The following KDM5B variants were observed in gnomAD, a reference collection of about 807,000 sequenced individuals.
KDM5B encodes the protein lysine demethylase 5B, also known as lysine-specific demethylase 5B.
A neutral mutation model predicts 193.4 loss-of-function variants in KDM5B; 144 were observed. The observed-to-expected ratio is 0.74, with a 90% CI of 0.65 to 0.86. The LOEUF (loss-of-function observed/expected upper bound fraction) is 0.86, where lower values mean the gene tolerates loss of function less well. KDM5B is among the 40% of genes least tolerant of loss of function. The probability of loss-of-function intolerance (pLI) is 0.00; values close to 1 mark genes in which losing one functional copy is unlikely to be tolerated. For missense variants in KDM5B, 1,833 were observed against 1,886.9 expected (o/e 0.97, Z 0.53); for synonymous variants, 668 against 682.6 (o/e 0.98, Z 0.33).
intron 11 of KDM5B, among the ~76,000 whole-genome samples, chr1:202,753,995 C>T (rs1402661326): frequency 2.0e-5 from 3 of 152,162 alleles, no homozygotes; most frequent in Admixed American, 1.3e-4. Context: ...TATAAGGTAT[C>T]GTATTCACTT....
chr1:202,758,806 A>C (rs1002669525), intron 8 of KDM5B: 14 of 218,064 alleles, frequency 6.4e-5, no homozygotes, highest in Admixed American at 1.1e-4. Context: ...TCAAAATCAA[A>C]TAATGTTTTC....
At chr1:202,767,949 G>A (rs986778340) in intron 4 of KDM5B, among the ~76,000 whole-genome samples, 13 of 152,122 alleles carry the variant, frequency 8.5e-5, no homozygotes, top group Non-Finnish European at 1.5e-4. Context: ...AATCCAATAT[G>A]TTTTCTAGAT....
In KDM5B at chr1:202,746,173, A is replaced by G. The variant is rs762523999; in HGVS notation, c.2167T>C (p.Cys723Arg). 2 of 1,613,108 alleles carry G rather than the reference A, an allele frequency of 1.2e-6. No individual in the cohort carries two copies. The highest frequency in any genetic ancestry group is 3.4e-5 in the Admixed American group (2 of 59,644). ...TTATATTTGTAAGGAGGACAGGAAC[A>G]CAATTCTTTTACATGATGCAGGCAA... Reference protein sequence around the residue: ...LVCLHHVKELCSCPPYKYKLR... With the variant: ...LVCLHHVKELRSCPPYKYKLR... The change falls in exon 15 of 27, where the codon TGT becomes CGT. Residue 723 changes from cysteine (C) to arginine (R), a missense_variant. By Grantham distance (180) the Cys-to-Arg change is radical (BLOSUM62 -3). Coordinates refer to ENST00000367265, the MANE Select transcript of KDM5B (RefSeq NM_006618.5).
intron 9 of KDM5B, among the ~76,000 whole-genome samples, chr1:202,757,656 A>G (rs1656075394): frequency 6.6e-6 from 1 of 152,216 alleles, no homozygotes; most frequent in Non-Finnish European, 1.5e-5. Context: ...TTAAGTAACT[A>G]ATAGCTGATG....
At chr1:202,769,194 A>G (rs12022505) in intron 4 of KDM5B, among the ~76,000 whole-genome samples, 100,896 of 149,396 alleles carry the variant, frequency 0.68, 36,550 homozygotes, top group Admixed American at 0.82. Context: ...CTGCCACCAC[A>G]CCCAGCTATT....
At chr1:202,784,623 T>C (rs949179323) in intron 1 of KDM5B, among the ~76,000 whole-genome samples, 4 of 152,168 alleles carry the variant, frequency 2.6e-5, no homozygotes, top group Admixed American at 6.6e-5. Context: ...ATCACAACCA[T>C]TATAAACTCC....
chr1:202,768,015 C>A (rs886901671), intron 4 of KDM5B, among the ~76,000 whole-genome samples: 1 of 152,116 alleles, frequency 6.6e-6, no homozygotes, highest in African/African-American at 2.4e-5. Context: ...AAAGATATCA[C>A]CTGAATTGAG....
chr1:202,754,455 T>C (rs1473372882), intron 11 of KDM5B, among the ~76,000 whole-genome samples: 1 of 152,138 alleles, frequency 6.6e-6, no homozygotes, highest in Non-Finnish European at 1.5e-5. Flanking sequence ...CCTCCCGCCT[T>C]GCCCCCTCAA....
intron 1 of KDM5B, among the ~76,000 whole-genome samples, chr1:202,783,386 T>C (rs997913250): frequency 1.3e-5 from 2 of 151,594 alleles, no homozygotes; most frequent in Non-Finnish European, 1.5e-5. Flanking sequence ...GCACCTGTAG[T>C]CCCAGCTAAT....
intron 1 of KDM5B, among the ~76,000 whole-genome samples, chr1:202,797,391 C>T (rs906456535): frequency 1.3e-5 from 2 of 152,140 alleles, no homozygotes; most frequent in Non-Finnish European, 2.9e-5. Context: ...TGTAGCTGGG[C>T]CTGCCCCAAG....
intron 1 of KDM5B, among the ~76,000 whole-genome samples, chr1:202,789,162 G>A (rs1339617033): frequency 3.3e-5 from 5 of 152,078 alleles, no homozygotes; most frequent in African/African-American, 7.2e-5. Flanking sequence ...AAAATACTAC[G>A]AGATGGCAAA....
At position 202,741,426 on chromosome 1, in the gene KDM5B, C is replaced by T. The variant is rs763399721; in HGVS notation, c.2886G>A (p.Gln962=). Residue 962 remains glutamine (Q), a synonymous_variant, in exon 19 of 27, where the codon CAG becomes CAA. Transcript: ENST00000367265. The stretch of plus-strand genomic sequence containing the variant: ...AGTGCTCTGACACTGTGAGCAGTTC[C>T]TGCAGCCGGGCCATAGCTTTCTCCA... ...SAVEKAMARL[Q]ELLTVSEHWD... The T allele has an allele frequency of 2.5e-6, 4 of 1,603,306 alleles. No homozygotes were observed. In the East Asian group the frequency reaches 8.9e-5, roughly 36 times the overall value.
intron 1 of KDM5B, among the ~76,000 whole-genome samples, chr1:202,794,397 T>C (rs542971784): frequency 6.6e-6 from 1 of 152,338 alleles, no homozygotes; most frequent in African/African-American, 2.4e-5. Context: ...CATAAGAATA[T>C]GTGCTTAATG....
chr1:202,740,807 C>T lies in KDM5B; in HGVS notation c.2951G>A (p.Arg984Gln), dbSNP rs1158702224. ...CGTAGCAAGGCTATTCAATGAATGT[C>T]GTGGCCTACAAAATGCAAACAAAGA... ...KAKSLLKARP[R>Q]HSLNSLATAV... is the part of the protein sequence containing the mutation. The change falls in exon 20 of 27, where the codon CGA becomes CAA. Residue 984 changes from arginine to glutamine, a missense_variant. Arg to Gln is a conservative substitution (Grantham distance 43). Transcript: ENST00000367265. 5.0e-6 allele frequency: 8 copies of T among 1,607,732 alleles called. No individual in the cohort carries two copies. The highest frequency in any genetic ancestry group is 1.7e-5 in the Admixed American group (1 of 59,682).
At chr1:202,743,521 G>C (rs1280624841) in intron 16 of KDM5B, among the ~76,000 whole-genome samples, 2 of 152,140 alleles carry the variant, frequency 1.3e-5, no homozygotes, top group African/African-American at 4.8e-5. Flanking sequence ...GAGCACAGGA[G>C]ACTCAGAGAC....
intron 1 of KDM5B, 140 bp from the exon 2 acceptor site, chr1:202,777,234 A>C (rs555828840): frequency 1.1e-4 from 67 of 633,092 alleles, no homozygotes; most frequent in African/African-American, 1.0e-3. Context: ...GTGGTTTCTC[A>C]ACCTTTTGTC....
At position 202,750,732 on chromosome 1, in the gene KDM5B, G is replaced by C; in HGVS notation, c.1748C>G (p.Pro583Arg). 1 of 1,613,856 alleles carries C rather than the reference G, an allele frequency of 6.2e-7. No homozygotes were observed. The highest frequency in any genetic ancestry group is 8.5e-7 in the Non-Finnish European group (1 of 1,179,762). ...GTTAAAACCACTGTGGTAGGCTCTT[G>C]GAAATGTAATCACAAACTCCCCAGC... is the stretch of plus-strand genomic sequence containing the variant. ...QCAGEFVITF[P>R]RAYHSGFNQG... Residue 583 changes from proline (P) to arginine (R), a missense_variant, in exon 13 of 27, where the codon CCA (proline) becomes CGA (arginine). By Grantham distance (103) the Pro-to-Arg change is moderately radical (BLOSUM62 -2). Transcript: ENST00000367265.
intron 18 of KDM5B, 57 bp downstream of exon 18, chr1:202,742,334 T>C: frequency 8.4e-7 from 1 of 1,185,964 alleles, no homozygotes; most frequent in Non-Finnish European, 1.3e-6. Context: ...TCAATAGAGT[T>C]TATATACAAA....
At chr1:202,753,664 G>GTTTTTTTTTTTTTTTTTT (rs771281999) in intron 11 of KDM5B, among the ~76,000 whole-genome samples, 1 of 105,786 alleles carries the variant, frequency 9.5e-6, no homozygotes. Flanking sequence ...TGTTGTTGTT[G>GTTTTTTTTTTTTTTTTTT]TTTTTTTTTT....
Sources: gnomAD v4.1 joint callset for allele counts (sites outside exome capture counted in the v4.1 genomes callset) on GRCh38, gnomAD v4.1.1 for gene constraint, MANE v1.5 for transcripts, NCBI Gene and HGNC (gene_info 2026-07-23, HGNC 2026-07-21) for gene names.